NDUFS4: variants seen among roughly 807,000 people sequenced by gnomAD.
The protein encoded by NDUFS4 is NADH:ubiquinone oxidoreductase subunit S4.
NDUFS4 carries 28 observed loss-of-function variants against 24.3 expected under a neutral mutation model. The observed-to-expected ratio is 1.15, with a 90% CI of 0.85 to 1.58. The LOEUF is 1.58. Among genes scored for constraint, NDUFS4 ranks in the 40% most tolerant of loss-of-function variants. NDUFS4 has a pLI of 0.00. For synonymous variants in NDUFS4, 93 were observed against 69.7 expected, an observed-to-expected ratio of 1.34 and a Z score of -1.67; for missense variants, 223 against 207.9, an observed-to-expected ratio of 1.07 and a Z score of -0.45.
At chr5:53,647,186 AAAT>A (rs1280359143) in intron 3 of NDUFS4, among the ~76,000 whole-genome samples, 1 of 151,684 alleles carries the variant, frequency 6.6e-6, no homozygotes, top group African/African-American at 2.4e-5. Flanking sequence ...GATTAATAAT[AAAT>A]AATAATAAAT....
intron 1 of NDUFS4, among the ~76,000 whole-genome samples, chr5:53,587,116 A>C (rs928827490): frequency 6.6e-6 from 1 of 151,768 alleles, no homozygotes; most frequent in African/African-American, 2.4e-5. Flanking sequence ...GAACCATTGC[A>C]CCCGGCCGAG....
chr5:53,625,562 T>C (rs1054633848), intron 2 of NDUFS4, among the ~76,000 whole-genome samples: 3 of 152,216 alleles, frequency 2.0e-5, no homozygotes, highest in Non-Finnish European at 4.4e-5. Flanking sequence ...CACTATGTAG[T>C]GCAATTTGGT....
At chr5:53,596,499 A>G (rs997098183) in intron 1 of NDUFS4, among the ~76,000 whole-genome samples, 2 of 152,168 alleles carry the variant, frequency 1.3e-5, no homozygotes, top group Non-Finnish European at 2.9e-5. Context: ...TCCCATTAAC[A>G]GTTGGTTCTC....
rs141015461 is a variant in NDUFS4 at position 53,587,608 on chromosome 5, C to T, written c.99-15844C>T. Among the ~76,000 whole-genome samples, 348 of 150,226 alleles carry T rather than the reference C, an allele frequency of 2.3e-3. 2 individuals carry two copies. Among genetic ancestry groups the T allele is most frequent in the African/African-American group, 8.1e-3 (332 of 40,786 alleles). ...TTTTTTTTTTTTTGAGACAGCGTCT[C>T]GCTCTGTCTCACAGGCTGGAGCATG... is the stretch of plus-strand genomic sequence containing the variant. On this transcript the variant is annotated intron_variant, in intron 1 of 4. Coordinates refer to ENST00000296684, the MANE Select transcript of NDUFS4 (RefSeq NM_002495.4).
intron 4 of NDUFS4, among the ~76,000 whole-genome samples, chr5:53,676,403 C>A (rs1019708248): frequency 2.6e-5 from 4 of 152,178 alleles, no homozygotes; most frequent in African/African-American, 4.8e-5. Flanking sequence ...CTGACCAGTA[C>A]ATAACCTTGT....
In NDUFS4 at chr5:53,643,221, A is replaced by G. The variant is rs575457619; in HGVS notation, c.178-3012A>G. Among the ~76,000 whole-genome samples the G allele has an allele frequency of 2.6e-5, 4 of 152,130 alleles. No individual in the cohort carries two copies. The South Asian group carries it at 6.2e-4, about 24-fold the overall frequency. The stretch of plus-strand genomic sequence containing the variant: ...GATTTAGTTTTTTGAATTATTATTT[A>G]TAAATTATTTATCTCTATTTTACCA... On this transcript the variant is annotated intron_variant, in intron 2 of 4. Coordinates refer to ENST00000296684, the MANE Select transcript of NDUFS4 (RefSeq NM_002495.4).
intron 2 of NDUFS4, among the ~76,000 whole-genome samples, chr5:53,635,787 TAA>T (rs1353939204): frequency 6.6e-6 from 1 of 152,224 alleles, no homozygotes; most frequent in Non-Finnish European, 1.5e-5. Context: ...CAAAGATTTT[TAA>T]GTTTTCCTTA....
At chr5:53,586,855 C>T (rs1360859101) in intron 1 of NDUFS4, among the ~76,000 whole-genome samples, 1 of 151,904 alleles carries the variant, frequency 6.6e-6, no homozygotes, top group East Asian at 1.9e-4. Context: ...TGGAGTTGTA[C>T]TCTTGTCACT....
At chr5:53,571,404 A>G (rs1749204707) in intron 1 of NDUFS4, among the ~76,000 whole-genome samples, 1 of 152,228 alleles carries the variant, frequency 6.6e-6, no homozygotes, top group African/African-American at 2.4e-5. Flanking sequence ...ATAGTATTCT[A>G]TTGTATGGAC....
intron 3 of NDUFS4, among the ~76,000 whole-genome samples, chr5:53,650,362 C>T (rs1751982120): frequency 6.6e-6 from 1 of 152,118 alleles, no homozygotes; most frequent in Admixed American, 6.5e-5. Context: ...AAGAGACTAG[C>T]ATACAATTTC....
chr5:53,660,632 C>T (rs1347063242), intron 4 of NDUFS4, among the ~76,000 whole-genome samples: 1 of 152,070 alleles, frequency 6.6e-6, no homozygotes, highest in East Asian at 1.9e-4. Context: ...TAAAAGTGTT[C>T]CTTTTTCTCC....
At chr5:53,672,373 T>C (rs1050127539) in intron 4 of NDUFS4, among the ~76,000 whole-genome samples, 1 of 152,172 alleles carries the variant, frequency 6.6e-6, no homozygotes, top group Non-Finnish European at 1.5e-5. Context: ...AAAACAGCAC[T>C]AATTCATGTG....
chr5:53,590,596 T>G (rs1326171306), intron 1 of NDUFS4, among the ~76,000 whole-genome samples: 1 of 152,166 alleles, frequency 6.6e-6, no homozygotes, highest in Non-Finnish European at 1.5e-5. Flanking sequence ...TCCAAGGAGA[T>G]GAGTGATTAA....
intron 1 of NDUFS4, among the ~76,000 whole-genome samples, chr5:53,566,958 C>T (rs1223637683): frequency 6.6e-6 from 1 of 151,322 alleles, no homozygotes; most frequent in African/African-American, 2.4e-5. Flanking sequence ...AAGCAATTCT[C>T]CTGCCTCAGC....
intron 3 of NDUFS4, 79 bp from the exon 4 acceptor site, chr5:53,658,472 G>C (rs1752226963): frequency 2.2e-6 from 2 of 919,120 alleles, no homozygotes; most frequent in African/African-American, 3.3e-5. Flanking sequence ...TTTTATAGTA[G>C]CTGTTTATTT....
intron 4 of NDUFS4, among the ~76,000 whole-genome samples, chr5:53,680,035 C>T (rs551811456): frequency 3.3e-5 from 5 of 152,206 alleles, no homozygotes; most frequent in African/African-American, 1.2e-4. Flanking sequence ...ATAGATAAAA[C>T]TTGCAATTGC....
intron 2 of NDUFS4, among the ~76,000 whole-genome samples, chr5:53,627,698 A>G (rs1452194107): frequency 6.6e-6 from 1 of 152,152 alleles, no homozygotes; most frequent in Non-Finnish European, 1.5e-5. Context: ...TTATTGGTGT[A>G]TAAGAATGCT....
chr5:53,648,923 G>A (rs1370827360), intron 3 of NDUFS4, among the ~76,000 whole-genome samples: 1 of 152,168 alleles, frequency 6.6e-6, no homozygotes, highest in East Asian at 1.9e-4. Flanking sequence ...GTTGTGGTAG[G>A]TAGAATTCTA....
intron 4 of NDUFS4, among the ~76,000 whole-genome samples, chr5:53,665,304 G>C (rs555506982): frequency 6.6e-6 from 1 of 152,144 alleles, no homozygotes; most frequent in Non-Finnish European, 1.5e-5. Flanking sequence ...CAGTCTGTCC[G>C]TTCTCAGATC....
Sources: allele counts gnomAD v4.1 joint callset (sites outside exome capture counted in the v4.1 genomes callset), GRCh38; gene constraint gnomAD v4.1.1; transcripts MANE v1.5; gene names NCBI Gene and HGNC (gene_info 2026-07-23, HGNC 2026-07-21).